The following PRDM16 variants were observed in gnomAD, a reference collection of about 807,000 sequenced individuals.
PRDM16 encodes the protein PR/SET domain 16.
A neutral mutation model predicts 110.6 loss-of-function variants in PRDM16; 23 were observed. The ratio of observed to expected loss-of-function variants is 0.21; its 90% CI spans 0.15 to 0.29. PRDM16 has a LOEUF of 0.29. Ranked by LOEUF, PRDM16 falls within the 10% of genes least tolerant of loss-of-function variation. The pLI is 1.00. For synonymous variants in PRDM16, 799 were observed against 781.8 expected (o/e 1.02, Z -0.37); for missense variants, 1,615 against 1,794.3 (o/e 0.90, Z 1.81).
At chr1:3,252,888 G>A (rs895575566) in intron 3 of PRDM16, among the ~76,000 whole-genome samples, 4 of 152,132 alleles carry the variant, frequency 2.6e-5, no homozygotes, top group Non-Finnish European at 5.9e-5. Context: ...GGGTGGAGGC[G>A]GGAAGGAGGG....
intron 4 of PRDM16, chr1:3,394,364 C>CCG (rs112886356): frequency 1 from 433,678 of 433,752 alleles, 216,803 homozygotes; most frequent in Middle Eastern, 1. Context: ...TCCAGGAGGG[C>CCG]CGCCCAGCCC....
chr1:3,109,089 T>TAATAATA (rs768456435), intron 1 of PRDM16, among the ~76,000 whole-genome samples: 8 of 60,754 alleles, frequency 1.3e-4, no homozygotes, highest in East Asian at 8.5e-4. Context: ...CTCAAAATAA[T>TAATAATA]AATAATAATA....
At chr1:3,200,070 G>C (rs2100825288) in intron 2 of PRDM16, among the ~76,000 whole-genome samples, 1 of 152,380 alleles carries the variant, frequency 6.6e-6, no homozygotes, top group South Asian at 2.1e-4. Context: ...AGGTAAACAT[G>C]GGACCTTCTT....
chr1:3,110,836 A>G (rs1642774468), intron 1 of PRDM16, among the ~76,000 whole-genome samples: 1 of 152,140 alleles, frequency 6.6e-6, no homozygotes, highest in Non-Finnish European at 1.5e-5. Flanking sequence ...TGAGGGGCAC[A>G]TGCTTGGGGC....
intron 3 of PRDM16, among the ~76,000 whole-genome samples, chr1:3,286,621 C>T (rs945053914): frequency 9.2e-5 from 14 of 152,258 alleles, no homozygotes; most frequent in Admixed American, 2.6e-4. Flanking sequence ...CCCGTGTCCT[C>T]CATAAGGGCC....
At chr1:3,407,068 G>A (rs918810005) in intron 8 of PRDM16, among the ~76,000 whole-genome samples, 1 of 152,266 alleles carries the variant, frequency 6.6e-6, no homozygotes, top group African/African-American at 2.4e-5. Context: ...CCCCGGCTGG[G>A]TGATTTGAAC....
chr1:3,432,743 C>A (rs371591216), intron 16 of PRDM16, among the ~76,000 whole-genome samples: 1 of 152,222 alleles, frequency 6.6e-6, no homozygotes, highest in Non-Finnish European at 1.5e-5. Context: ...CAGCAAAAGC[C>A]GTCTGCGTGT....
chr1:3,144,027 C>T (rs1237888999), intron 1 of PRDM16, among the ~76,000 whole-genome samples: 1 of 152,224 alleles, frequency 6.6e-6, no homozygotes, highest in Non-Finnish European at 1.5e-5. Context: ...CCTGGCCTCT[C>T]GCCGCCCACT....
chr1:3,373,351 C>A (rs944392877), intron 3 of PRDM16, among the ~76,000 whole-genome samples: 74 of 152,288 alleles, frequency 4.9e-4, no homozygotes, highest in African/African-American at 1.7e-3. Flanking sequence ...CCCGCCCCAG[C>A]GTGCCTTTGC....
At chr1:3,254,651 A>T (rs1402643558) in intron 3 of PRDM16, among the ~76,000 whole-genome samples, 1 of 152,202 alleles carries the variant, frequency 6.6e-6, no homozygotes, top group African/African-American at 2.4e-5. Flanking sequence ...TCAATGAAAT[A>T]AAAGAGGATA....
intron 1 of PRDM16, among the ~76,000 whole-genome samples, chr1:3,112,692 G>A (rs1485764371): frequency 1.3e-5 from 2 of 152,240 alleles, no homozygotes; most frequent in Non-Finnish European, 2.9e-5. Flanking sequence ...TCCCACTTGC[G>A]TGGACCACCC....
At chr1:3,276,286 G>A (rs995886514) in intron 3 of PRDM16, among the ~76,000 whole-genome samples, 17 of 152,332 alleles carry the variant, frequency 1.1e-4, no homozygotes, top group Admixed American at 7.8e-4. Context: ...CGCCAGGCCT[G>A]CCATTGGGCC....
intron 3 of PRDM16, among the ~76,000 whole-genome samples, chr1:3,287,456 C>T (rs113428453): frequency 0.023 from 1,433 of 61,414 alleles, 262 homozygotes; most frequent in African/African-American, 0.11. Context: ...GGGCTGGAGC[C>T]GCCCCTGCCA....
At chr1:3,225,033 C>T (rs996216815) in intron 2 of PRDM16, among the ~76,000 whole-genome samples, 3 of 152,122 alleles carry the variant, frequency 2.0e-5, no homozygotes, top group Non-Finnish European at 4.4e-5. Flanking sequence ...GAGGTGGGGG[C>T]GAGGAGCGCC....
At chr1:3,253,429 A>T (rs1170728666) in intron 3 of PRDM16, among the ~76,000 whole-genome samples, 1 of 137,314 alleles carries the variant, frequency 7.3e-6, no homozygotes, top group African/African-American at 2.8e-5. Context: ...TTATTGTTCA[A>T]TTCCCACCTA....
At chr1:3,275,126 G>A (rs991153698) in intron 3 of PRDM16, among the ~76,000 whole-genome samples, 2 of 152,346 alleles carry the variant, frequency 1.3e-5, no homozygotes, top group Non-Finnish European at 2.9e-5. Context: ...CCAGGCACTG[G>A]GAGCAGGAGG....
chr1:3,076,584 C>T (rs1358443078), intron 1 of PRDM16, among the ~76,000 whole-genome samples: 4 of 152,170 alleles, frequency 2.6e-5, no homozygotes, highest in South Asian at 2.1e-4. Context: ...GGGGCTTCTC[C>T]GAGGGTGTCT....
intron 9 of PRDM16, among the ~76,000 whole-genome samples, chr1:3,413,182 G>A (rs979812631): frequency 1.3e-5 from 2 of 149,692 alleles, no homozygotes; most frequent in African/African-American, 5.0e-5. Flanking sequence ...TGTCGTCTCT[G>A]GTCTAGCTCT....
chr1:3,072,368 C>T (rs973152170), intron 1 of PRDM16, among the ~76,000 whole-genome samples: 2 of 152,186 alleles, frequency 1.3e-5, no homozygotes, highest in Non-Finnish European at 2.9e-5. Flanking sequence ...CAGAGCTGCT[C>T]CTTGAGGCCT....
Sources: gnomAD v4.1 joint callset for allele counts (sites outside exome capture counted in the v4.1 genomes callset) on GRCh38, gnomAD v4.1.1 for gene constraint, MANE v1.5 for transcripts, NCBI Gene and HGNC (gene_info 2026-07-23, HGNC 2026-07-21) for gene names.